Variants in TXLNB observed in about 807,000 individuals in gnomAD.
The protein encoded by TXLNB is beta-taxilin.
Under a neutral mutation model 57.4 loss-of-function variants are expected in TXLNB, and 37 were observed. The ratio of observed to expected loss-of-function variants is 0.64; its 90% CI spans 0.50 to 0.85. The LOEUF (loss-of-function observed/expected upper bound fraction) is 0.85. Ranked by LOEUF, TXLNB falls within the 40% of genes least tolerant of loss-of-function variation. The pLI, the probability that TXLNB is intolerant of heterozygous loss-of-function variation, is 0.00. For missense variants in TXLNB, 848 were observed against 825.6 expected, an observed-to-expected ratio of 1.03 and a Z score of -0.33; for synonymous variants, 302 against 309.6, an observed-to-expected ratio of 0.98 and a Z score of 0.26.
At chr6:139,305,204 G>C in the TXLNB span, among the ~76,000 whole-genome samples, 3 of 152,146 alleles carry the variant, frequency 2.0e-5, no homozygotes, top group East Asian at 5.8e-4. Context: ...AACTTTGGTA[G>C]TGGTAGTCCA....
chr6:139,301,520 G>A, the TXLNB span, among the ~76,000 whole-genome samples: 1 of 152,268 alleles, frequency 6.6e-6, no homozygotes, highest in South Asian at 2.1e-4. Flanking sequence ...AGAACTGCCA[G>A]GAAATCTTCT....
At chr6:139,315,633 C>T in the TXLNB span, among the ~76,000 whole-genome samples, 6 of 151,804 alleles carry the variant, frequency 4.0e-5, no homozygotes, top group Non-Finnish European at 8.8e-5. Flanking sequence ...TTATAATATC[C>T]CAGGCAAGTT....
upstream of TXLNB, among the ~76,000 whole-genome samples, chr6:139,296,511 CT>C (rs1235002903): frequency 6.6e-6 from 1 of 152,010 alleles, no homozygotes; most frequent in African/African-American, 2.4e-5. Context: ...TGATGTAGAT[CT>C]TTTTTTCATT....
intron 7 of TXLNB, among the ~76,000 whole-genome samples, chr6:139,249,965 C>G (rs1051504134): frequency 1.3e-5 from 2 of 152,052 alleles, no homozygotes; most frequent in African/African-American, 2.4e-5. Flanking sequence ...CACACACACT[C>G]TGTCTCTCAC....
intron 7 of TXLNB, among the ~76,000 whole-genome samples, chr6:139,248,300 A>T (rs1374014482): frequency 6.6e-6 from 1 of 151,590 alleles, no homozygotes; most frequent in Non-Finnish European, 1.5e-5. Context: ...GTTTGAGACC[A>T]TTCTGGCCAA....
the TXLNB span, among the ~76,000 whole-genome samples, chr6:139,163,676 C>T: frequency 6.6e-6 from 1 of 152,282 alleles, no homozygotes; most frequent in Admixed American, 6.5e-5. Flanking sequence ...ACATAATTCT[C>T]TCCTGACTTG....
At chr6:139,279,609 A>G (rs1583023863) in intron 2 of TXLNB, among the ~76,000 whole-genome samples, 1 of 152,218 alleles carries the variant, frequency 6.6e-6, no homozygotes, top group Non-Finnish European at 1.5e-5. Flanking sequence ...TGAAGTAATC[A>G]TGGAGGAGGG....
intron 6 of TXLNB, among the ~76,000 whole-genome samples, chr6:139,259,727 G>A (rs1776433066): frequency 6.6e-6 from 1 of 152,274 alleles, no homozygotes; most frequent in East Asian, 1.9e-4. Context: ...CCCCTTCTCT[G>A]TCTTGTTCAC....
At chr6:139,264,639 A>C (rs1394197732) in intron 4 of TXLNB, among the ~76,000 whole-genome samples, 1 of 152,122 alleles carries the variant, frequency 6.6e-6, no homozygotes, top group Non-Finnish European at 1.5e-5. Flanking sequence ...GGCTCACTGC[A>C]ACCTCCAACA....
At chr6:139,206,131 G>A in the TXLNB span, among the ~76,000 whole-genome samples, 1 of 152,160 alleles carries the variant, frequency 6.6e-6, no homozygotes, top group African/African-American at 2.4e-5. Context: ...AATGCTTAGA[G>A]AATTTGCCAC....
the TXLNB span, among the ~76,000 whole-genome samples, chr6:139,168,429 T>G: frequency 6.6e-6 from 1 of 151,558 alleles, no homozygotes; most frequent in East Asian, 1.9e-4. Context: ...TGCATAGTTT[T>G]TTTTTTTTTT....
chr6:139,180,339 T>C, the TXLNB span: 1 of 152,666 alleles, frequency 6.6e-6, no homozygotes, highest in East Asian at 1.9e-4. Context: ...GTCTTTTGTT[T>C]AGTCCTGCAA....
intron 7 of TXLNB, among the ~76,000 whole-genome samples, chr6:139,249,507 ATCAGC>A (rs1322772049): frequency 6.6e-6 from 1 of 152,236 alleles, no homozygotes. Flanking sequence ...AGGCTGGGTT[ATCAGC>A]TGGAAGGAAG....
chr6:139,222,266 T>C, the TXLNB span, among the ~76,000 whole-genome samples: 1 of 152,150 alleles, frequency 6.6e-6, no homozygotes. Flanking sequence ...TGGAGAAAGA[T>C]ACAGCATGAA....
the TXLNB span, among the ~76,000 whole-genome samples, chr6:139,172,409 G>C: frequency 6.6e-6 from 1 of 152,138 alleles, no homozygotes; most frequent in Admixed American, 6.6e-5. Context: ...CCCTCGCCCT[G>C]CCCTTTACCA....
intron 3 of TXLNB, among the ~76,000 whole-genome samples, chr6:139,272,994 A>G (rs192446939): frequency 1.4e-3 from 210 of 152,320 alleles, no homozygotes; most frequent in African/African-American, 4.9e-3. Context: ...AGATCGTGCC[A>G]TTGCACTCCA....
At chr6:139,202,455 C>A in the TXLNB span, among the ~76,000 whole-genome samples, 1 of 152,140 alleles carries the variant, frequency 6.6e-6, no homozygotes, top group Non-Finnish European at 1.5e-5. Flanking sequence ...GTACATATAG[C>A]TCTTCAAGAC....
the TXLNB span, among the ~76,000 whole-genome samples, chr6:139,209,102 C>A: frequency 1.3e-5 from 2 of 152,220 alleles, no homozygotes; most frequent in African/African-American, 2.4e-5. Context: ...TTTCAGGATA[C>A]AAAATTAATG....
chr6:139,273,307 G>T (rs768381648), intron 3 of TXLNB, among the ~76,000 whole-genome samples: 73 of 152,300 alleles, frequency 4.8e-4, no homozygotes, highest in Admixed American at 9.1e-4. Flanking sequence ...CATGCCTATT[G>T]TCGCCTGGTG....
Sources: allele counts gnomAD v4.1 joint callset (sites outside exome capture counted in the v4.1 genomes callset), GRCh38; gene constraint gnomAD v4.1.1; transcripts MANE v1.5; gene names NCBI Gene and HGNC (gene_info 2026-07-23, HGNC 2026-07-21).